The following SNX13 variants were observed in gnomAD, a reference collection of about 807,000 sequenced individuals.
SNX13 encodes sorting nexin-13.
SNX13 carries 45 observed loss-of-function variants against 133.6 expected under a neutral mutation model. The observed-to-expected ratio is 0.34, with a 90% CI of 0.27 to 0.43. The LOEUF (loss-of-function observed/expected upper bound fraction) is 0.43, where lower values mean the gene tolerates loss of function less well. SNX13 is among the 20% of genes least tolerant of loss of function. SNX13 has a pLI of 1.00. For synonymous variants in SNX13, 414 were observed against 373.9 expected, an observed-to-expected ratio of 1.11 and a Z score of -1.24; for missense variants, 1,032 against 1,145.1, an observed-to-expected ratio of 0.90 and a Z score of 1.43.
At chr7:17,805,524 G>A (rs1785195384) in intron 20 of SNX13, among the ~76,000 whole-genome samples, 1 of 152,148 alleles carries the variant, frequency 6.6e-6, no homozygotes, top group Non-Finnish European at 1.5e-5. Flanking sequence ...AATGTTCACA[G>A]AAGAAATAGC....
At chr7:17,804,117 T>G (rs550228056) in intron 20 of SNX13, among the ~76,000 whole-genome samples, 2 of 152,192 alleles carry the variant, frequency 1.3e-5, no homozygotes, top group Non-Finnish European at 1.5e-5. Flanking sequence ...ATCTGCCAGA[T>G]GAGGTTATTC....
At chr7:17,798,017 A>G (rs1784240893) in intron 24 of SNX13, among the ~76,000 whole-genome samples, 2 of 151,888 alleles carry the variant, frequency 1.3e-5, no homozygotes. Context: ...CTTAGTGTTC[A>G]ATACTGATAG....
intron 5 of SNX13, chr7:17,889,086 T>C (rs1796332049): frequency 6.1e-6 from 1 of 164,220 alleles, no homozygotes; most frequent in Non-Finnish European, 1.3e-5. Flanking sequence ...ATAAAAAATA[T>C]TTAGAAGAGT....
At chr7:17,815,469 T>C (rs1307729966) in intron 19 of SNX13, among the ~76,000 whole-genome samples, 1 of 152,052 alleles carries the variant, frequency 6.6e-6, no homozygotes, top group Admixed American at 6.5e-5. Context: ...CCTGTAGTCC[T>C]AGCTACTCAG....
intron 13 of SNX13, among the ~76,000 whole-genome samples, chr7:17,836,843 C>A (rs1789193704): frequency 6.6e-6 from 1 of 151,932 alleles, no homozygotes; most frequent in South Asian, 2.1e-4. Flanking sequence ...GACAAATGTA[C>A]ATAAAAGCAA....
At chr7:17,865,237 T>C (rs2128341496) in intron 9 of SNX13, among the ~76,000 whole-genome samples, 2 of 152,332 alleles carry the variant, frequency 1.3e-5, no homozygotes, top group South Asian at 2.1e-4. Context: ...TCCACTCATA[T>C]CTTTAGTGAG....
intron 9 of SNX13, among the ~76,000 whole-genome samples, chr7:17,855,072 T>C (rs1219650907): frequency 6.6e-6 from 1 of 152,164 alleles, no homozygotes; most frequent in Non-Finnish European, 1.5e-5. Flanking sequence ...TATGGTGATA[T>C]GGAGAAAGTA....
chr7:17,866,063 C>G (rs572849357), intron 9 of SNX13, among the ~76,000 whole-genome samples: 1 of 152,028 alleles, frequency 6.6e-6, no homozygotes, highest in African/African-American at 2.4e-5. Context: ...GGGAAACAAT[C>G]CATGACATTG....
intron 1 of SNX13, among the ~76,000 whole-genome samples, chr7:17,929,507 CAA>C (rs1183379548): frequency 2.6e-5 from 4 of 152,064 alleles, no homozygotes; most frequent in African/African-American, 9.7e-5. Flanking sequence ...TAACACCACT[CAA>C]GTCAACTACA....
At chr7:17,875,929 G>A (rs1403645070) in intron 5 of SNX13, 139 bp from the exon 6 acceptor site, 9 of 622,760 alleles carry the variant, frequency 1.4e-5, no homozygotes, top group Non-Finnish European at 2.0e-5. Context: ...ATTATTACCT[G>A]TTAGTACTGT....
intron 22 of SNX13, among the ~76,000 whole-genome samples, chr7:17,800,507 G>T (rs1381889994): frequency 1.3e-5 from 2 of 151,702 alleles, no homozygotes; most frequent in East Asian, 3.9e-4. Flanking sequence ...AATCCCAGAT[G>T]AACTGCAAAC....
At chr7:17,925,754 C>T (rs1380653243) in intron 1 of SNX13, among the ~76,000 whole-genome samples, 1 of 151,426 alleles carries the variant, frequency 6.6e-6, no homozygotes, top group African/African-American at 2.4e-5. Context: ...AGGACAATCT[C>T]TCACAACAAT....
At chr7:17,798,943 C>A in intron 23 of SNX13, 66 bp downstream of exon 23, 3 of 1,537,010 alleles carry the variant, frequency 2.0e-6, no homozygotes, top group Admixed American at 2.1e-5. Flanking sequence ...GAGCAATCTA[C>A]TTCCAGAAGT....
At chr7:17,802,772 T>C (rs758367826) in intron 21 of SNX13, among the ~76,000 whole-genome samples, 3 of 152,282 alleles carry the variant, frequency 2.0e-5, no homozygotes, top group African/African-American at 4.8e-5. Flanking sequence ...CTAATACCTA[T>C]ATGTTTTATA....
chr7:17,865,437 G>A (rs540220544), intron 9 of SNX13, among the ~76,000 whole-genome samples: 1 of 152,086 alleles, frequency 6.6e-6, no homozygotes, highest in East Asian at 1.9e-4. Context: ...AGTAAAAGAT[G>A]TCTACAAGGA....
At chr7:17,893,215 C>G in intron 3 of SNX13, 117 bp downstream of exon 3, 1 of 587,114 alleles carries the variant, frequency 1.7e-6, no homozygotes, top group Non-Finnish European at 2.9e-6. Flanking sequence ...CACATAAATT[C>G]CCAGTGAGCA....
intron 9 of SNX13, among the ~76,000 whole-genome samples, chr7:17,853,355 G>A (rs1256401443): frequency 6.6e-6 from 1 of 152,046 alleles, no homozygotes; most frequent in Non-Finnish European, 1.5e-5. Context: ...AGGAAGAGTG[G>A]GCTATGAAAA....
At chr7:17,822,983 G>C (rs949099091) in intron 17 of SNX13, among the ~76,000 whole-genome samples, 1 of 152,220 alleles carries the variant, frequency 6.6e-6, no homozygotes, top group Non-Finnish European at 1.5e-5. Flanking sequence ...ATGGTAGGCT[G>C]TTTTCCTAGT....
At chr7:17,832,372 C>A in intron 15 of SNX13, 2 of 984,534 alleles carry the variant, frequency 2.0e-6, no homozygotes, top group Non-Finnish European at 2.4e-6. Context: ...ATTACTTCCA[C>A]AGAATATATT....
Sources: gnomAD v4.1 joint callset for allele counts (sites outside exome capture counted in the v4.1 genomes callset) on GRCh38, gnomAD v4.1.1 for gene constraint, MANE v1.5 for transcripts, NCBI Gene and HGNC (gene_info 2026-07-23, HGNC 2026-07-21) for gene names.